Variants in MLIP observed in about 807,000 individuals in gnomAD.
MLIP encodes the protein muscular LMNA interacting protein.
In MLIP, 79 loss-of-function variants were observed where a neutral mutation model predicts 84.8. The observed-to-expected ratio is 0.93, with a 90% CI of 0.78 to 1.12. The LOEUF (loss-of-function observed/expected upper bound fraction) is 1.12, where lower values mean the gene tolerates loss of function less well. MLIP is among the 50% of genes most tolerant of loss of function. The pLI, the probability that MLIP is intolerant of heterozygous loss-of-function variation, is 0.00. For missense variants in MLIP, 1,257 were observed against 1,160.6 expected (o/e 1.08, Z -1.21); for synonymous variants, 504 against 463.0 (o/e 1.09, Z -1.14).
chr6:54,180,094 T>A (rs1006138817), intron 9 of MLIP, among the ~76,000 whole-genome samples: 1 of 152,144 alleles, frequency 6.6e-6, no homozygotes, highest in Non-Finnish European at 1.5e-5. Flanking sequence ...ACTTTTTTGT[T>A]GTTGTTGTTT....
intron 9 of MLIP, among the ~76,000 whole-genome samples, chr6:54,187,900 C>T (rs188036716): frequency 3.2e-4 from 49 of 152,114 alleles, no homozygotes; most frequent in African/African-American, 1.1e-3. Context: ...TCAGGTATTC[C>T]GGAGGCTGAG....
intron 1 of MLIP, among the ~76,000 whole-genome samples, chr6:54,051,014 C>T (rs1765345868): frequency 6.6e-6 from 1 of 151,982 alleles, no homozygotes; most frequent in South Asian, 2.1e-4. Context: ...GAAATCCAAC[C>T]CAACAATAAA....
intron 1 of MLIP, among the ~76,000 whole-genome samples, chr6:54,057,532 C>T (rs1765730991): frequency 6.6e-6 from 1 of 152,166 alleles, no homozygotes; most frequent in African/African-American, 2.4e-5. Flanking sequence ...TGTAGCAGAA[C>T]CTGCATTCTT....
intron 1 of MLIP, among the ~76,000 whole-genome samples, chr6:54,019,437 A>AT (rs937759491): frequency 1.3e-5 from 2 of 152,114 alleles, no homozygotes; most frequent in African/African-American, 2.4e-5. Flanking sequence ...GTTCAAATCC[A>AT]TTTTTTCTCA....
rs372090902 is a variant in MLIP, at chr6:54,160,779, T to C, written c.2479T>C (p.Leu827=). The change falls in exon 8 of 14, where the codon TTG becomes CTG. Residue 827 remains leucine, a synonymous_variant. Coordinates refer to ENST00000502396, the MANE Select transcript of MLIP (RefSeq NM_001281747.2). The part of the protein sequence containing the change: ...DSPSRSPKTL[L]GSDTVKTPTT... The stretch of plus-strand genomic sequence containing the variant: ...TCCTTCAAGGTCCCCAAAGACATTG[T>C]TGGGTTCTGACACAGTCAAAGTATG... 1.7e-4 allele frequency: 265 copies of C among 1,605,358 alleles called. 5 individuals are homozygous for C. The South Asian group carries it at 2.4e-3, about 15-fold the overall frequency.
chr6:54,040,302 A>G (rs1416942032), intron 1 of MLIP, among the ~76,000 whole-genome samples: 1 of 152,062 alleles, frequency 6.6e-6, no homozygotes, highest in Admixed American at 6.6e-5. Flanking sequence ...TCAGTTAACA[A>G]TAAATAGAAA....
chr6:54,193,393 T>TA (rs1778081760), intron 10 of MLIP, among the ~76,000 whole-genome samples: 2 of 152,138 alleles, frequency 1.3e-5, no homozygotes, highest in South Asian at 4.1e-4. Context: ...TTTTTGCACA[T>TA]AAAATCTGTG....
rs1435532095 is a variant in MLIP at position 54,111,468 on chromosome 6, T to G, written c.-12T>G. On this transcript the variant is annotated 5_prime_UTR_variant, in exon 1 of 14. The change abolishes an upstream ATG in the 5' untranslated region. Coordinates refer to ENST00000502396, the MANE Select transcript of MLIP (RefSeq NM_001281747.2). ...AGTCATTGGTTTGCTCGCTCCCTTA[T>G]GTGATGAATCAATGCTTTCAGAACA... The G allele has an allele frequency of 6.5e-7, 1 of 1,535,876 alleles. No homozygotes were observed. Among genetic ancestry groups the G allele is most frequent in the East Asian group, 2.4e-5 (1 of 40,920 alleles).
intron 1 of MLIP, among the ~76,000 whole-genome samples, chr6:54,097,522 CAGAT>C (rs1417001130): frequency 6.6e-6 from 1 of 152,066 alleles, no homozygotes; most frequent in Non-Finnish European, 1.5e-5. Flanking sequence ...TATGACCACT[CAGAT>C]GGTGGAAACA....
At chr6:54,206,263 T>C (rs1462962546) in intron 11 of MLIP, among the ~76,000 whole-genome samples, 2 of 152,184 alleles carry the variant, frequency 1.3e-5, no homozygotes, top group South Asian at 2.1e-4. Context: ...TAAAGTGTTA[T>C]GTAAAAATCC....
intron 1 of MLIP, among the ~76,000 whole-genome samples, chr6:54,072,810 T>C (rs574052966): frequency 2.6e-5 from 4 of 152,336 alleles, no homozygotes; most frequent in African/African-American, 9.6e-5. Flanking sequence ...TATTGACTGA[T>C]TGATGAACTA....
intron 1 of MLIP, among the ~76,000 whole-genome samples, chr6:54,043,706 G>A (rs1363807601): frequency 1.3e-5 from 2 of 152,084 alleles, no homozygotes. Flanking sequence ...AATTAGTAAC[G>A]GGAGTTGGCA....
intron 11 of MLIP, among the ~76,000 whole-genome samples, chr6:54,219,618 G>A (rs1026659122): frequency 6.6e-6 from 1 of 152,060 alleles, no homozygotes; most frequent in Admixed American, 6.6e-5. Flanking sequence ...GGTTTGCAAA[G>A]CCTTCAATAT....
chr6:54,079,933 C>T lies in MLIP; in HGVS notation c.64-41514C>T, dbSNP rs374025993. On this transcript the variant is annotated intron_variant, in intron 1 of 12. Transcript: ENST00000274897. ...CCACAAAACTGTCCTACAGAGTTGA[C>T]GTTTACTGGAGGTTAGAAAGTTAGT... is the stretch of plus-strand genomic sequence containing the variant. 1.1e-4 allele frequency among the ~76,000 whole-genome samples: 17 copies of T among 152,250 alleles called. No homozygotes were observed. The East Asian group carries it at 2.3e-3, about 21-fold the overall frequency.
chr6:54,160,808 G>A lies in MLIP; in HGVS notation c.2499+9G>A, dbSNP rs770187154. ...GTTCTGACACAGTCAAAGTATGTATGTATTTAATATAATTTATGGAACCAT... is the reference window on the plus strand; with the variant it reads ...GTTCTGACACAGTCAAAGTATGTATATATTTAATATAATTTATGGAACCAT... On this transcript the variant is annotated intron_variant, in intron 8 of 13. Coordinates refer to ENST00000502396, the MANE Select transcript of MLIP (RefSeq NM_001281747.2). 43 of 1,600,778 alleles carry A rather than the reference G, an allele frequency of 2.7e-5. 1 individual carries two copies. Among genetic ancestry groups the A allele is most frequent in the South Asian group, 2.0e-4 (18 of 90,114 alleles).
intron 1 of MLIP, among the ~76,000 whole-genome samples, chr6:54,114,700 C>T (rs774850762): frequency 6.6e-6 from 1 of 152,116 alleles, no homozygotes; most frequent in African/African-American, 2.4e-5. Flanking sequence ...GTCTGTTTCC[C>T]TCCACTAGAA....
intron 13 of MLIP, among the ~76,000 whole-genome samples, chr6:54,259,417 C>T (rs1360195332): frequency 6.6e-6 from 1 of 151,744 alleles, no homozygotes; most frequent in Non-Finnish European, 1.5e-5. Context: ...TATATCTACA[C>T]AATAAGAGTG....
intron 1 of MLIP, among the ~76,000 whole-genome samples, chr6:54,080,620 C>T (rs557575343): frequency 3.3e-5 from 5 of 150,714 alleles, no homozygotes; most frequent in Non-Finnish European, 5.9e-5. Context: ...AAGACATACA[C>T]ATTTTTTGTC....
At chr6:54,162,598 G>A (rs1774762207) in intron 8 of MLIP, among the ~76,000 whole-genome samples, 1 of 151,982 alleles carries the variant, frequency 6.6e-6, no homozygotes, top group Non-Finnish European at 1.5e-5. Context: ...GTTCAGAAGA[G>A]CTAGAGAAGC....
Sources: allele counts gnomAD v4.1 joint callset (sites outside exome capture counted in the v4.1 genomes callset), GRCh38; gene constraint gnomAD v4.1.1; transcripts MANE v1.5; gene names NCBI Gene and HGNC (gene_info 2026-07-23, HGNC 2026-07-21).